Variants in LILRB4 observed in about 807,000 individuals in gnomAD.
LILRB4 encodes the protein leukocyte immunoglobulin-like receptor subfamily B member 4.
LILRB4 carries 49 observed loss-of-function variants against 55.2 expected under a neutral mutation model. The observed-to-expected ratio is 0.89, with a 90% confidence interval of 0.71 to 1.13. The LOEUF (loss-of-function observed/expected upper bound fraction) is 1.13. Among genes scored for constraint, LILRB4 ranks in the 50% most tolerant of loss-of-function variants. The pLI is 0.00. For missense variants in LILRB4, 590 were observed against 555.2 expected, an observed-to-expected ratio of 1.06 and a Z score of -0.63; for synonymous variants, 229 against 213.8, an observed-to-expected ratio of 1.07 and a Z score of -0.62.
At chr19:54,664,287 T>C in exon 4 of LILRB4, 2 of 1,614,050 alleles carry the variant, frequency 1.2e-6, no homozygotes, top group South Asian at 1.1e-5. Context: ...AATGGACACT[T>C]TTCTTCTGAT....
At position 54,666,269 on chromosome 19, in the gene LILRB4, C is replaced by G. The variant is rs372978866; in HGVS notation, c.904C>G (p.Pro302Ala). The change falls in exon 8 of 12, where the codon CCA becomes GCA. Residue 302 changes from proline to alanine, a missense_variant. Transcript: ENST00000430952. This position sits in a 1 kb window ranked among gnomAD's most constrained non-coding sequence, Gnocchi z 4.8. ...GAGACAGGCTGATTTCCAACGTCCT[C>G]CAGGGGCTGCCGAGCCAGAGCCCAA... 14 of 1,608,412 alleles carry G rather than the reference C, an allele frequency of 8.7e-6. No individual in the cohort carries two copies. In the African/African-American group the frequency reaches 1.7e-4, roughly 20 times the overall value.
chr19:54,668,242 C>T (rs2065386911), exon 12 of LILRB4: 3 of 539,750 alleles, frequency 5.6e-6, no homozygotes, highest in African/African-American at 3.8e-5. Flanking sequence ...AATGAGTTAA[C>T]TGATAAAACA....
exon 4 of LILRB4, chr19:54,664,200 C>A (rs755244063): frequency 6.2e-7 from 1 of 1,613,306 alleles, no homozygotes; most frequent in Middle Eastern, 1.7e-4. Flanking sequence ...CTACAGTAAA[C>A]CCACCCTTTC....
Position 54,666,209 on chromosome 19 carries a change from C to T in LILRB4, c.875-31C>T. 1.3e-6 allele frequency: 2 copies of T among 1,550,820 alleles called. No homozygotes were observed. Among genetic ancestry groups the T allele is most frequent in the Non-Finnish European group, 1.7e-6 (2 of 1,151,228 alleles). On this transcript the variant is annotated intron_variant, in intron 7 of 11. Transcript: ENST00000430952. The surrounding 1 kb of genome is among the most constrained non-coding windows in gnomAD (Gnocchi z 4.8). ...GCAAGGCAGGTGGTTCTAACGTTCCCAGAGCTGAGACTCTGTCCATCTTCC... is the reference window on the plus strand; with the variant it reads ...GCAAGGCAGGTGGTTCTAACGTTCCTAGAGCTGAGACTCTGTCCATCTTCC...
rs754692982 is a variant in LILRB4, at chr19:54,665,953, C to T, written c.874+22C>T. On this transcript the variant is annotated intron_variant, in intron 7 of 11. Transcript: ENST00000430952. This position sits in a 1 kb window ranked among gnomAD's most constrained non-coding sequence, Gnocchi z 5.5. ...TTGGGTAAGTAGGAAATTGGGGGAC[C>T]CGTGGGCTGATGGAGGGTGGGCTCA... 6.2e-7 allele frequency: 1 copy of T among 1,613,546 alleles called. No homozygotes were observed. Among genetic ancestry groups the T allele is most frequent in the South Asian group, 1.1e-5 (1 of 91,032 alleles).
At chr19:54,663,245 G>C (rs1273723382) in intron 1 of LILRB4, among the ~76,000 whole-genome samples, 178 bp downstream of exon 1, 1 of 151,888 alleles carries the variant, frequency 6.6e-6, no homozygotes, top group Admixed American at 6.6e-5. Flanking sequence ...AGGAGATCGA[G>C]ACCATCCTGG....
Position 54,666,525 on chromosome 19 carries a change from T to G in LILRB4, c.988+89T>G. Reference sequence around the variant, plus strand: ...ATGGGGGCAGGAGCACAGGCTAGGATTGGTCAGGGACTCAGGGAGAAGTGG... The same window carrying G: ...ATGGGGGCAGGAGCACAGGCTAGGAGTGGTCAGGGACTCAGGGAGAAGTGG... On this transcript the variant is annotated intron_variant, in intron 9 of 11. Transcript: ENST00000430952. The surrounding 1 kb of genome is among the most constrained non-coding windows in gnomAD (Gnocchi z 4.8). 2 of 1,530,780 alleles carry G rather than the reference T, an allele frequency of 1.3e-6. No individual in the cohort carries two copies. The highest frequency in any genetic ancestry group is 1.8e-6 in the Non-Finnish European group (2 of 1,112,788). The allele number at this position is 1,530,780 out of a possible 1,614,324, so 94.8% of individuals were successfully genotyped here. A position where few individuals can be genotyped will look rare whatever the true frequency, so the allele number is the denominator to read the frequency against.
In LILRB4 at chr19:54,666,160, T is replaced by C; in HGVS notation, c.875-80T>C. 1.4e-6 allele frequency: 2 copies of C among 1,403,456 alleles called. No homozygotes were observed. Among genetic ancestry groups the C allele is most frequent in the Non-Finnish European group, 1.9e-6 (2 of 1,029,488 alleles). 86.9% of individuals were successfully genotyped at this position (1,403,456 alleles called of 1,614,324 possible). ...CATCCTTGCAAGTGTATTTTCAGGT[T>C]TCCTTTCCTCTTGACTTGCATGTGC... On this transcript the variant is annotated intron_variant, in intron 7 of 11. Transcript: ENST00000430952. The surrounding 1 kb of genome is among the most constrained non-coding windows in gnomAD (Gnocchi z 4.8).
At chr19:54,663,218 G>C in intron 1 of LILRB4, 151 bp downstream of exon 1, 1 of 905,440 alleles carries the variant, frequency 1.1e-6, no homozygotes, top group Non-Finnish European at 1.6e-6. Context: ...AGGCCGAGGC[G>C]GGCGGATCAC....
chr19:54,666,603 C>A lies in LILRB4; in HGVS notation c.989-94C>A. 6.9e-7 allele frequency: 1 copy of A among 1,459,402 alleles called. No individual in the cohort carries two copies. The highest frequency in any genetic ancestry group is 1.2e-5 in the South Asian group (1 of 82,366). The allele number at this position is 1,459,402 out of a possible 1,614,324, so 90.4% of individuals were successfully genotyped here. A position where few individuals can be genotyped will look rare whatever the true frequency, so the allele number is the denominator to read the frequency against. ...GACATCACAGCCCCTCCCTGCGTTG[C>A]AGTGGCACTAATGGGAACAGGGCAG... On this transcript the variant is annotated intron_variant, in intron 9 of 11. Transcript: ENST00000430952. The surrounding 1 kb of genome is among the most constrained non-coding windows in gnomAD (Gnocchi z 4.8).
rs1400778727 is a variant in LILRB4, at chr19:54,664,049, A to G, written c.355+11A>G. On this transcript the variant is annotated intron_variant, in intron 3 of 11. Transcript: ENST00000430952. ...AGCTGGTGATGACAGGTGAGAGGACACTCAGGGGTCCCAGCCCCAGGCTCT... is the reference window on the plus strand; with the variant it reads ...AGCTGGTGATGACAGGTGAGAGGACGCTCAGGGGTCCCAGCCCCAGGCTCT... 6.2e-7 allele frequency: 1 copy of G among 1,604,400 alleles called. No homozygotes were observed. Among genetic ancestry groups the G allele is most frequent in the Non-Finnish European group, 8.5e-7 (1 of 1,176,216 alleles).
Position 54,666,242 on chromosome 19 carries a change from C to G in LILRB4, c.877C>G (p.Gln293Glu), listed in dbSNP as rs201629899. ...AGACTCTGTCCATCTTCCCCCAGCC[C>G]AGAGACAGGCTGATTTCCAACGTCC... Residue 293 changes from glutamine to glutamate, a missense_variant and splice_region_variant, in exon 8 of 12, where the codon CAG (glutamine) becomes GAG (glutamate). By Grantham distance (29) the Gln-to-Glu change is conservative (BLOSUM62 2). Transcript: ENST00000430952. This position sits in a 1 kb window ranked among gnomAD's most constrained non-coding sequence, Gnocchi z 4.8. 7.5e-6 allele frequency: 12 copies of G among 1,598,710 alleles called. No homozygotes were observed. The Admixed American group carries it at 1.9e-4, about 25-fold the overall frequency.
chr19:54,666,555 A>C lies in LILRB4; in HGVS notation c.988+119A>C. The C allele has an allele frequency of 6.9e-7, 1 of 1,453,146 alleles. No individual in the cohort carries two copies. 90.0% of individuals were successfully genotyped at this position (1,453,146 alleles called of 1,614,324 possible). On this transcript the variant is annotated intron_variant, in intron 9 of 11. Coordinates refer to ENST00000430952, the Ensembl canonical transcript of LILRB4. This position sits in a 1 kb window ranked among gnomAD's most constrained non-coding sequence, Gnocchi z 4.8. Reference sequence around the variant, plus strand: ...CAGGGACTCAGGGAGAAGTGGTCTGAACCCACATTGTGGGACCTCGGGGAC... The same window carrying C: ...CAGGGACTCAGGGAGAAGTGGTCTGCACCCACATTGTGGGACCTCGGGGAC...
At chr19:54,664,464 C>T in exon 4 of LILRB4, 3 of 1,607,496 alleles carry the variant, frequency 1.9e-6, no homozygotes, top group Non-Finnish European at 2.6e-6. Context: ...CCCCAGTGAC[C>T]CCCTGGAGCT....
chr19:54,663,113 T>C, intron 1 of LILRB4, 46 bp downstream of exon 1: 1 of 1,589,632 alleles, frequency 6.3e-7, no homozygotes, highest in South Asian at 1.1e-5. Context: ...TTGGAGGAAA[T>C]TTGCCTCACA....
chr19:54,664,312 C>T lies in LILRB4; in HGVS notation c.482C>T (p.Ala161Val), dbSNP rs750845016. ...TTTCTTCTGATCAAGGAGCGGGCAG[C>T]CCATCCCCTACTGCATCTGAGATCA... Residue 161 changes from alanine (A) to valine (V), a missense_variant, in exon 4 of 12, where the codon GCC (alanine) becomes GTC (valine). Transcript: ENST00000430952. 8.1e-6 allele frequency: 13 copies of T among 1,613,994 alleles called. No homozygotes were observed. The African/African-American group carries it at 1.1e-4, about 13-fold the overall frequency.
exon 12 of LILRB4, chr19:54,667,889 C>A (rs566109967): frequency 6.2e-7 from 1 of 1,611,140 alleles, no homozygotes; most frequent in Non-Finnish European, 8.5e-7. Context: ...GCATCTGAAG[C>A]CCCCCAGGAT....
At chr19:54,664,324 T>G in exon 4 of LILRB4, 2 of 1,614,132 alleles carry the variant, frequency 1.2e-6, no homozygotes, top group East Asian at 2.2e-5. Context: ...CATCCCCTAC[T>G]GCATCTGAGA....
At chr19:54,663,840 C>T (rs200343521) in exon 3 of LILRB4, 3 of 1,614,154 alleles carry the variant, frequency 1.9e-6, no homozygotes, top group Non-Finnish European at 2.5e-6. Flanking sequence ...TCAGGGGACC[C>T]TGGAGGCTCG....
Sources: gnomAD v4.1 joint callset for allele counts (sites outside exome capture counted in the v4.1 genomes callset) on GRCh38, gnomAD v4.1.1 for gene constraint, Gnocchi (gnomAD v3.1) non-coding constraint, MANE v1.5 for transcripts, NCBI Gene and HGNC (gene_info 2026-07-23, HGNC 2026-07-21) for gene names.